The following ZNF407 variants were observed in gnomAD, a reference collection of about 807,000 sequenced individuals.
ZNF407 encodes zinc finger protein 407.
In ZNF407, 17 loss-of-function variants were observed where a neutral mutation model predicts 131.2. The observed-to-expected ratio is 0.13, with a 90% CI of 0.09 to 0.19. The LOEUF is 0.19. ZNF407 is among the 10% of genes least tolerant of loss of function. The pLI is 1.00. For missense variants in ZNF407, 2,681 were observed against 2,830.6 expected, an observed-to-expected ratio of 0.95 and a Z score of 1.20; for synonymous variants, 1,156 against 1,062.0, an observed-to-expected ratio of 1.09 and a Z score of -1.72.
intron 3 of ZNF407, among the ~76,000 whole-genome samples, chr18:74,724,968 C>T (rs1968123532): frequency 6.6e-6 from 1 of 152,194 alleles, no homozygotes; most frequent in African/African-American, 2.4e-5. Flanking sequence ...TTCAACCTTT[C>T]AAGCTTTAAC....
chr18:74,629,311 G>A (rs1479438920), intron 1 of ZNF407, among the ~76,000 whole-genome samples: 1 of 152,072 alleles, frequency 6.6e-6, no homozygotes, highest in African/African-American at 2.4e-5. Context: ...GACTACTGAT[G>A]TAGAGTATCT....
chr18:74,744,496 T>C (rs1231182019), intron 3 of ZNF407, among the ~76,000 whole-genome samples: 1 of 152,216 alleles, frequency 6.6e-6, no homozygotes. Flanking sequence ...AATAGTTTTA[T>C]ATTTTAAAAC....
chr18:74,656,586 T>G (rs1366651019), intron 3 of ZNF407, among the ~76,000 whole-genome samples: 1 of 152,080 alleles, frequency 6.6e-6, no homozygotes, highest in Non-Finnish European at 1.5e-5. Flanking sequence ...TGGAGATGTA[T>G]GAGATGCCCT....
chr18:74,688,725 T>C (rs1452691066), intron 3 of ZNF407, among the ~76,000 whole-genome samples: 1 of 152,226 alleles, frequency 6.6e-6, no homozygotes, highest in African/African-American at 2.4e-5. Flanking sequence ...GGATCACTTT[T>C]TTAATGCATG....
intron 8 of ZNF407, among the ~76,000 whole-genome samples, chr18:74,934,792 C>T (rs1232759231): frequency 1.6e-4 from 24 of 152,198 alleles, no homozygotes; most frequent in East Asian, 5.8e-4. Flanking sequence ...GGCGACAGAG[C>T]GAGACTCGGT....
chr18:74,810,349 C>T (rs563562877), intron 4 of ZNF407, among the ~76,000 whole-genome samples: 2 of 99,134 alleles, frequency 2.0e-5, no homozygotes, highest in East Asian at 1.4e-3. Flanking sequence ...AGGTGATGCA[C>T]CTTTGCTTTT....
chr18:74,923,113 C>T (rs1464336903), intron 8 of ZNF407, among the ~76,000 whole-genome samples: 2 of 152,050 alleles, frequency 1.3e-5, no homozygotes, highest in Non-Finnish European at 2.9e-5. Flanking sequence ...TTTTAGCAAC[C>T]AGTAAAACGA....
intron 8 of ZNF407, among the ~76,000 whole-genome samples, chr18:75,020,274 GTGTGTATATGTGTGTGTA>G (rs540455686): frequency 8.0e-4 from 120 of 150,560 alleles, no homozygotes; most frequent in South Asian, 4.2e-3. Flanking sequence ...ATAGATATGT[GTGTGTATATGTGTGTGTA>G]TGTGTATATG....
intron 3 of ZNF407, among the ~76,000 whole-genome samples, chr18:74,760,992 C>A (rs985979764): frequency 1.3e-5 from 2 of 152,062 alleles, no homozygotes; most frequent in Non-Finnish European, 2.9e-5. Flanking sequence ...TTTTGGAGGA[C>A]CTCACTTTCC....
intron 3 of ZNF407, among the ~76,000 whole-genome samples, chr18:74,746,692 C>T (rs773909475): frequency 8.6e-5 from 13 of 151,732 alleles, no homozygotes; most frequent in Admixed American, 2.0e-4. Context: ...TCTTCAGGTG[C>T]GATAACAGTT....
chr18:74,946,164 A>G (rs1972151865), intron 8 of ZNF407, among the ~76,000 whole-genome samples: 1 of 152,152 alleles, frequency 6.6e-6, no homozygotes, highest in African/African-American at 2.4e-5. Flanking sequence ...TGCAAGAAAA[A>G]CCTTTTATAT....
At chr18:74,672,487 C>CATTGGAGCACCGTT (rs1568158581) in intron 3 of ZNF407, among the ~76,000 whole-genome samples, 18 of 20,974 alleles carry the variant, frequency 8.6e-4, no homozygotes, top group South Asian at 5.2e-3. Flanking sequence ...CACCGTTTGT[C>CATTGGAGCACCGTT]TGTTCGTTGG....
At chr18:74,747,299 C>A (rs1968691492) in intron 3 of ZNF407, among the ~76,000 whole-genome samples, 1 of 152,124 alleles carries the variant, frequency 6.6e-6, no homozygotes, top group South Asian at 2.1e-4. Context: ...TGCATCCAGT[C>A]ATTTCCGGAA....
At chr18:74,778,489 G>GT (rs533010078) in intron 3 of ZNF407, among the ~76,000 whole-genome samples, 41 of 150,832 alleles carry the variant, frequency 2.7e-4, no homozygotes, top group South Asian at 1.0e-3. Context: ...ATATTTTACT[G>GT]TTTTTTTTTC....
At chr18:74,779,393 C>T (rs1382729399) in intron 3 of ZNF407, among the ~76,000 whole-genome samples, 3 of 151,758 alleles carry the variant, frequency 2.0e-5, no homozygotes, top group Non-Finnish European at 4.4e-5. Context: ...GGATTACAGG[C>T]GTGAGCCACC....
chr18:74,939,135 A>T lies in ZNF407; in HGVS notation c.5428+18443A>T, dbSNP rs375882873. Among the ~76,000 whole-genome samples, 3 of 152,166 alleles carry T rather than the reference A, an allele frequency of 2.0e-5. No individual in the cohort carries two copies. The East Asian group carries it at 5.8e-4, about 29-fold the overall frequency. ...CATATATTTATAATTTTAGGGCATG[A>T]TTTCTATTGCTTGTAATATGTATTC... On this transcript the variant is annotated intron_variant, in intron 8 of 8. Coordinates refer to ENST00000299687, the MANE Select transcript of ZNF407 (RefSeq NM_017757.3).
chr18:74,610,762 C>T lies in ZNF407; in HGVS notation c.-54+12825C>T, dbSNP rs574361229. Among the ~76,000 whole-genome samples the T allele has an allele frequency of 2.6e-5, 4 of 152,156 alleles. No individual in the cohort carries two copies. In the South Asian group the frequency reaches 8.3e-4, roughly 32 times the overall value. ...GAGATGGGGGTTTCACCATGTTGGC[C>T]AGGCTGGTCTCGAACCCCTCACCTC... On this transcript the variant is annotated intron_variant, in intron 1 of 8. Transcript: ENST00000299687.
At chr18:74,877,151 T>C in intron 4 of ZNF407, 46 bp from the exon 5 acceptor site, 1 of 1,579,932 alleles carries the variant, frequency 6.3e-7, no homozygotes, top group African/African-American at 1.3e-5. Context: ...CCTTCGGTGC[T>C]GGTGTGCGGG....
intron 3 of ZNF407, among the ~76,000 whole-genome samples, chr18:74,758,456 C>T (rs965182539): frequency 2.6e-5 from 4 of 152,156 alleles, no homozygotes; most frequent in African/African-American, 9.7e-5. Context: ...TCCTCACCCC[C>T]TACTTTGTCC....
Sources: gnomAD v4.1 joint callset for allele counts (sites outside exome capture counted in the v4.1 genomes callset) on GRCh38, gnomAD v4.1.1 for gene constraint, MANE v1.5 for transcripts, NCBI Gene and HGNC (gene_info 2026-07-23, HGNC 2026-07-21) for gene names.